The following STAT1 variants were observed in gnomAD, a reference collection of about 807,000 sequenced individuals.
The protein encoded by STAT1 is signal transducer and activator of transcription 1, also known as signal transducer and activator of transcription 1-alpha/beta.
Under a neutral mutation model 111.7 loss-of-function variants are expected in STAT1, and 24 were observed. The ratio of observed to expected loss-of-function variants is 0.21; its 90% CI spans 0.16 to 0.30. The LOEUF (loss-of-function observed/expected upper bound fraction) is 0.30. STAT1 is among the 10% of genes least tolerant of loss of function. The pLI, the probability that STAT1 is intolerant of heterozygous loss-of-function variation, is 1.00. For missense variants in STAT1, 351 were observed against 911.9 expected (o/e 0.38, Z 7.92); for synonymous variants, 332 against 326.5 (o/e 1.02, Z -0.18).
Position 190,975,554 on chromosome 2 carries a change from T to C in STAT1, c.2135+258A>G. On this transcript the variant is annotated intron_variant, in intron 23 of 24. Coordinates refer to ENST00000361099, the MANE Select transcript of STAT1 (RefSeq NM_007315.4). The surrounding 1 kb of genome is among the most constrained non-coding windows in gnomAD (Gnocchi z 5.9). The stretch of plus-strand genomic sequence containing the variant: ...CCACTCTGATCAACTTTTGCTCATT[T>C]TATTTATACTTTTTCAAAGGGTATC... 2.9e-6 allele frequency: 4 copies of C among 1,361,432 alleles called. No homozygotes were observed. Among genetic ancestry groups the C allele is most frequent in the Non-Finnish European group, 3.9e-6 (4 of 1,037,868 alleles). 84.3% of individuals were successfully genotyped at this position (1,361,432 alleles called of 1,614,324 possible). A position where few individuals can be genotyped will look rare whatever the true frequency, so the allele number is the denominator to read the frequency against.
chr2:190,988,310 T>G (rs45571332), intron 12 of STAT1, among the ~76,000 whole-genome samples: 1 of 152,210 alleles, frequency 6.6e-6, no homozygotes, highest in Non-Finnish European at 1.5e-5. Flanking sequence ...CCACACTAGC[T>G]CAGACCAGGA....
chr2:190,975,700 G>A lies in STAT1; in HGVS notation c.2135+112C>T. The A allele has an allele frequency of 6.5e-7, 1 of 1,547,440 alleles. No homozygotes were observed. Among genetic ancestry groups the A allele is most frequent in the Non-Finnish European group, 8.7e-7 (1 of 1,147,164 alleles). ...GGATCTCAACAAGTTCAGCTGTGAT[G>A]GCGATAGCAATTACAATGGAAAAGT... On this transcript the variant is annotated intron_variant, in intron 23 of 24. Coordinates refer to ENST00000361099, the MANE Select transcript of STAT1 (RefSeq NM_007315.4). The surrounding 1 kb of genome is among the most constrained non-coding windows in gnomAD (Gnocchi z 5.9).
chr2:190,993,310 G>T lies in STAT1; in HGVS notation c.944+1751C>A. ...CTGTCACATCATACACCACTAGGAT[G>T]CCATTGGCTCCTCTGTAATAACTGG... On this transcript the variant is annotated intron_variant, in intron 10 of 24. Transcript: ENST00000361099. This position sits in a 1 kb window ranked among gnomAD's most constrained non-coding sequence, Gnocchi z 4.1. 2 of 697,182 alleles carry T rather than the reference G, an allele frequency of 2.9e-6. No individual in the cohort carries two copies. The highest frequency in any genetic ancestry group is 3.0e-5 in the South Asian group (2 of 67,376). The allele number at this position is 697,182 out of a possible 1,614,324, so 43.2% of individuals were successfully genotyped here.
chr2:190,986,534 A>C lies in STAT1; in HGVS notation c.1221+320T>G, dbSNP rs1201083728. ...TCACAGTCAGGACACGGGAGCCATA[A>C]CCTTTGAGAAAACTGCAAGCGTAGG... On this transcript the variant is annotated intron_variant, in intron 14 of 24. Transcript: ENST00000361099. This position sits in a 1 kb window ranked among gnomAD's most constrained non-coding sequence, Gnocchi z 5.0. 6.6e-6 allele frequency among the ~76,000 whole-genome samples: 1 copy of C among 152,192 alleles called. No individual in the cohort carries two copies. Among genetic ancestry groups the C allele is most frequent in the Non-Finnish European group, 1.5e-5 (1 of 68,024 alleles).
At chr2:190,972,600 T>G (rs571732109) in intron 24 of STAT1, among the ~76,000 whole-genome samples, 2 of 152,070 alleles carry the variant, frequency 1.3e-5, no homozygotes, top group South Asian at 4.2e-4. Flanking sequence ...ATTCTAAGAG[T>G]AGATGCTGGA....
At chr2:190,992,710 C>A in intron 10 of STAT1, 1 of 1,256,094 alleles carries the variant, frequency 8.0e-7, no homozygotes. Context: ...TCAGCACCAC[C>A]AGCTGTTGCT....
chr2:190,997,504 T>A lies in STAT1; in HGVS notation c.785+352A>T, dbSNP rs1230766835. Among the ~76,000 whole-genome samples, 1 of 152,228 alleles carries A rather than the reference T, an allele frequency of 6.6e-6. No individual in the cohort carries two copies. The highest frequency in any genetic ancestry group is 1.5e-5 in the Non-Finnish European group (1 of 68,042). ...GACTGAATGTTTCCTAAAAAACTAT[T>A]CTGTAAGCCTAGAAAAATGCCTCAA... On this transcript the variant is annotated intron_variant, in intron 9 of 24. Coordinates refer to ENST00000361099, the MANE Select transcript of STAT1 (RefSeq NM_007315.4). This position sits in a 1 kb window ranked among gnomAD's most constrained non-coding sequence, Gnocchi z 7.3.
Position 190,993,567 on chromosome 2 carries a change from T to C in STAT1, c.944+1494A>G. Reference sequence around the variant, plus strand: ...ATCAATTTGGGATTCATGCTGGACATGTCACTGTAGCTGCCACCGCTGCCA... The same window carrying C: ...ATCAATTTGGGATTCATGCTGGACACGTCACTGTAGCTGCCACCGCTGCCA... On this transcript the variant is annotated intron_variant, in intron 10 of 24. Coordinates refer to ENST00000361099, the MANE Select transcript of STAT1 (RefSeq NM_007315.4). The surrounding 1 kb of genome is among the most constrained non-coding windows in gnomAD (Gnocchi z 4.1). 1.6e-6 allele frequency: 1 copy of C among 627,424 alleles called. No individual in the cohort carries two copies. Among genetic ancestry groups the C allele is most frequent in the Non-Finnish European group, 3.0e-6 (1 of 329,702 alleles). 38.9% of individuals were successfully genotyped at this position (627,424 alleles called of 1,614,324 possible).
At position 191,000,378 on chromosome 2, in the gene STAT1, G is replaced by T. The variant is rs776891366; in HGVS notation, c.463-674C>A. On this transcript the variant is annotated intron_variant, in intron 6 of 24. Coordinates refer to ENST00000361099, the MANE Select transcript of STAT1 (RefSeq NM_007315.4). The surrounding 1 kb of genome is among the most constrained non-coding windows in gnomAD (Gnocchi z 4.8). ...GTTGCTCCAAAGAATGTGGAGTTTGGAAAGATGCTGTCTGAAGCATGTAAG... is the reference window on the plus strand; with the variant it reads ...GTTGCTCCAAAGAATGTGGAGTTTGTAAAGATGCTGTCTGAAGCATGTAAG... Among the ~76,000 whole-genome samples, 2 of 152,152 alleles carry T rather than the reference G, an allele frequency of 1.3e-5. No homozygotes were observed. The highest frequency in any genetic ancestry group is 2.9e-5 in the Non-Finnish European group (2 of 68,024).
intron 10 of STAT1, 72 bp downstream of exon 10, chr2:190,994,989 C>T: frequency 7.7e-7 from 1 of 1,295,246 alleles, no homozygotes; most frequent in South Asian, 1.2e-5. Flanking sequence ...TGTAAATCAT[C>T]TGAATTAACG....
In STAT1 at chr2:190,986,836, G is replaced by A; in HGVS notation, c.1221+18C>T. On this transcript the variant is annotated intron_variant, in intron 14 of 24. Coordinates refer to ENST00000361099, the MANE Select transcript of STAT1 (RefSeq NM_007315.4). This position sits in a 1 kb window ranked among gnomAD's most constrained non-coding sequence, Gnocchi z 5.0. Reference sequence around the variant, plus strand: ...TAAGAAACCAGAGACAACATAGAGAGGAAACTGATGTCCCTACCAGGTGCC... The same window carrying A: ...TAAGAAACCAGAGACAACATAGAGAAGAAACTGATGTCCCTACCAGGTGCC... 4 of 1,610,228 alleles carry A rather than the reference G, an allele frequency of 2.5e-6. No individual in the cohort carries two copies. The highest frequency in any genetic ancestry group is 1.7e-5 in the Admixed American group (1 of 60,022).
At position 190,969,602 on chromosome 2, in the gene STAT1, AAC is replaced by A. The variant is rs1303132092; in HGVS notation, c.*1099_*1100del. On this transcript the variant is annotated 3_prime_UTR_variant, in exon 25 of 25. Transcript: ENST00000361099. The stretch of plus-strand genomic sequence containing the variant: ...GGAAAAAGTACAGGAGAGAGAATGG[AAC>A]CATTCGCAAATGTGAAAAACACATA... 1.3e-5 allele frequency: 2 copies of A among 152,224 alleles called. No homozygotes were observed. The highest frequency in any genetic ancestry group is 2.9e-5 in the Non-Finnish European group (2 of 68,022). 9.4% of individuals were successfully genotyped at this position (152,224 alleles called of 1,614,324 possible).
At chr2:191,010,424 G>A (rs571354699) in intron 2 of STAT1, 8 of 470,184 alleles carry the variant, frequency 1.7e-5, no homozygotes, top group African/African-American at 4.0e-5. Context: ...GGATGTTGGT[G>A]GAGGATTCTG....
Position 190,989,440 on chromosome 2 carries a change from C to T in STAT1, c.1097+175G>A, listed in dbSNP as rs184405212. ...CTGACTAGAAGTCTCTGCTCATGCGCAGCATTGTCAGGACTCTGGGTTCAG... is the reference window on the plus strand; with the variant it reads ...CTGACTAGAAGTCTCTGCTCATGCGTAGCATTGTCAGGACTCTGGGTTCAG... On this transcript the variant is annotated intron_variant, in intron 12 of 24. Transcript: ENST00000361099. The surrounding 1 kb of genome is among the most constrained non-coding windows in gnomAD (Gnocchi z 5.0). Among the ~76,000 whole-genome samples, 339 of 152,320 alleles carry T rather than the reference C, an allele frequency of 2.2e-3. No individual in the cohort carries two copies. The highest frequency in any genetic ancestry group is 4.0e-3 in the Non-Finnish European group (271 of 68,026).
At chr2:190,994,872 C>T (rs1037831565) in intron 10 of STAT1, among the ~76,000 whole-genome samples, 189 bp downstream of exon 10, 2 of 145,286 alleles carry the variant, frequency 1.4e-5, no homozygotes, top group East Asian at 2.0e-4. Flanking sequence ...GCCAAGATCA[C>T]GCCACTGCAC....
In STAT1 at chr2:190,997,557, GAGTCA is replaced by G. The variant is rs1693950222; in HGVS notation, c.785+294_785+298del. Among the ~76,000 whole-genome samples, 1 of 152,136 alleles carries G rather than the reference GAGTCA, an allele frequency of 6.6e-6. No homozygotes were observed. Among genetic ancestry groups the G allele is most frequent in the Non-Finnish European group, 1.5e-5 (1 of 68,026 alleles). On this transcript the variant is annotated intron_variant, in intron 9 of 24. Transcript: ENST00000361099. The surrounding 1 kb of genome is among the most constrained non-coding windows in gnomAD (Gnocchi z 7.3). Reference sequence around the variant, plus strand: ...TATCTTGTTTTTAAGGAAACATTAAGAGTCAAGTCATTAAATGTGTTCTATAACGA... The same window carrying G: ...TATCTTGTTTTTAAGGAAACATTAAGAGTCATTAAATGTGTTCTATAACGA...
rs1261854032 is a variant in STAT1, at chr2:190,971,554, G to C, written c.2239-837C>G. Among the ~76,000 whole-genome samples the C allele has an allele frequency of 6.6e-6, 1 of 152,162 alleles. No homozygotes were observed. Among genetic ancestry groups the C allele is most frequent in the Non-Finnish European group, 1.5e-5 (1 of 68,036 alleles). ...ACCAAGACTGAGACACATGGCACTAGACTGGAAAGCCTCTGGAGAACTTTT... is the reference window on the plus strand; with the variant it reads ...ACCAAGACTGAGACACATGGCACTACACTGGAAAGCCTCTGGAGAACTTTT... On this transcript the variant is annotated intron_variant, in intron 24 of 24. Coordinates refer to ENST00000361099, the MANE Select transcript of STAT1 (RefSeq NM_007315.4). This position sits in a 1 kb window ranked among gnomAD's most constrained non-coding sequence, Gnocchi z 4.1.
chr2:190,974,832 T>C lies in STAT1; in HGVS notation c.2236A>G (p.Met746Val), dbSNP rs1001844648. ...CACAGGCCAGCCGTGGTACTCACCA[T>C]ACTGTCGAATTCTACAGAGCCCACT... Reference protein sequence around the residue: ...RIVGSVEFDSMMNTV With the variant: ...RIVGSVEFDSVMNTV The change falls in exon 24 of 25, where the codon ATG becomes GTG. Residue 746 changes from methionine (M) to valine (V), a missense_variant and splice_region_variant. Transcript: ENST00000361099. The surrounding 1 kb of genome is among the most constrained non-coding windows in gnomAD (Gnocchi z 4.8). The C allele has an allele frequency of 3.7e-6, 6 of 1,613,648 alleles. No homozygotes were observed. The highest frequency in any genetic ancestry group is 2.2e-5 in the East Asian group (1 of 44,866).
Position 190,986,973 on chromosome 2 carries a change from GAA to G in STAT1, c.1128-28_1128-27del, listed in dbSNP as rs750986576. On this transcript the variant is annotated intron_variant, in intron 13 of 24. Coordinates refer to ENST00000361099, the MANE Select transcript of STAT1 (RefSeq NM_007315.4). This position sits in a 1 kb window ranked among gnomAD's most constrained non-coding sequence, Gnocchi z 5.0. ...CTATACAATATAGGAAAGAAATGCTGAAAAGTCTTCCAACTATTAAATAAATA... is the reference window on the plus strand; with the variant it reads ...CTATACAATATAGGAAAGAAATGCTGAAGTCTTCCAACTATTAAATAAATA... The G allele has an allele frequency of 6.2e-7, 1 of 1,612,658 alleles. No homozygotes were observed. Among genetic ancestry groups the G allele is most frequent in the African/African-American group, 1.3e-5 (1 of 75,006 alleles).
Sources: allele counts gnomAD v4.1 joint callset (sites outside exome capture counted in the v4.1 genomes callset), GRCh38; gene constraint gnomAD v4.1.1; non-coding constraint Gnocchi (gnomAD v3.1); transcripts MANE v1.5; gene names NCBI Gene and HGNC (gene_info 2026-07-23, HGNC 2026-07-21).